Variants in ALMS1 observed in about 807,000 individuals in gnomAD.
The protein encoded by ALMS1 is ALMS1 centrosome and basal body associated protein.
Under a neutral mutation model 352.2 loss-of-function variants are expected in ALMS1, and 271 were observed. The ratio of observed to expected loss-of-function variants is 0.77; its 90% CI spans 0.70 to 0.85. ALMS1 has a LOEUF of 0.85. Among genes scored for constraint, ALMS1 ranks in the 40% least tolerant of loss-of-function variants. The pLI is 0.00. For synonymous variants in ALMS1, 1,865 were observed against 1,761.2 expected (o/e 1.06, Z -1.48); for missense variants, 5,445 against 4,870.7 (o/e 1.12, Z -3.51).
chr2:73,445,424 T>C (rs937119177), intron 7 of ALMS1, among the ~76,000 whole-genome samples: 2 of 152,114 alleles, frequency 1.3e-5, no homozygotes, highest in Non-Finnish European at 2.9e-5. Flanking sequence ...AGTGACTGAA[T>C]TAGAGGGCTC....
chr2:73,495,121 C>A (rs1331106714), intron 10 of ALMS1, among the ~76,000 whole-genome samples: 1 of 152,130 alleles, frequency 6.6e-6, no homozygotes, highest in Non-Finnish European at 1.5e-5. Flanking sequence ...TGTTTTGTTG[C>A]TCAAGTTCTC....
rs1313524775 is a variant in ALMS1, at chr2:73,449,738, G to A, written c.3211G>A (p.Glu1071Lys). ...PQVLSDSHLP[E>K]ESLKVSAFPG... Reference sequence around the variant, plus strand: ...GGTGTTATCAGACAGTCATCTACCTGAAGAGAGTCTGAAAGTTTCAGCCTT... The same window carrying A: ...GGTGTTATCAGACAGTCATCTACCTAAAGAGAGTCTGAAAGTTTCAGCCTT... Residue 1071 changes from glutamate to lysine, a missense_variant, in exon 8 of 23, where the codon GAA becomes AAA. Physicochemically the swap from Glu to Lys is moderately conservative, Grantham distance 56. Transcript: ENST00000613296. 1 of 1,614,136 alleles carries A rather than the reference G, an allele frequency of 6.2e-7. No individual in the cohort carries two copies.
chr2:73,398,492 G>A (rs1034826336), intron 1 of ALMS1, among the ~76,000 whole-genome samples: 13 of 152,150 alleles, frequency 8.5e-5, no homozygotes, highest in Admixed American at 8.5e-4. Context: ...AAATTGCTGG[G>A]ATTTTGATTG....
rs779259646 is a variant in ALMS1 at position 73,609,571 on chromosome 2, G to T, written c.12466G>T (p.Val4156Leu). ...CTGCCTTTCTTTTCTTCTACAGAGA[G>T]TGACCAATCAACTTCTGGGGAGAAA... ...RLRAQLYKKR[V>L]TNQLLGRKVP... The change falls in exon 23 of 23, where the codon GTG (valine) becomes TTG (leucine). Residue 4156 changes from valine to leucine, a missense_variant. Coordinates refer to ENST00000613296, the MANE Select transcript of ALMS1 (RefSeq NM_001378454.1). 1.2e-6 allele frequency: 2 copies of T among 1,614,036 alleles called. No individual in the cohort carries two copies. The highest frequency in any genetic ancestry group is 3.3e-5 in the Admixed American group (2 of 60,010).
At chr2:73,532,762 C>T (rs575533218) in intron 11 of ALMS1, among the ~76,000 whole-genome samples, 5 of 152,246 alleles carry the variant, frequency 3.3e-5, no homozygotes, top group African/African-American at 1.2e-4. Context: ...AAACAAAGTC[C>T]TATTTAATCT....
intron 11 of ALMS1, among the ~76,000 whole-genome samples, chr2:73,527,834 G>C (rs1315938798): frequency 1.3e-5 from 2 of 151,086 alleles, no homozygotes. Context: ...AGCATACGTT[G>C]TTAGGTTGTT....
intron 2 of ALMS1, among the ~76,000 whole-genome samples, chr2:73,414,473 G>GTTTTTTTTTTTTTTTTTTTTTTTTTTCTT (rs61660489): frequency 1.5e-5 from 1 of 66,416 alleles, no homozygotes; most frequent in African/African-American, 4.3e-5. Flanking sequence ...CTTTTTTTCC[G>GTTTTTTTTTTTTTTTTTTTTTTTTTTCTT]TTTTTTTTTT....
chr2:73,572,991 G>C lies in ALMS1; in HGVS notation c.11114G>C (p.Arg3705Thr). The C allele has an allele frequency of 6.2e-7, 1 of 1,614,040 alleles. No individual in the cohort carries two copies. The highest frequency in any genetic ancestry group is 8.5e-7 in the Non-Finnish European group (1 of 1,180,006). Residue 3705 changes from arginine to threonine, a missense_variant, in exon 16 of 23, where the codon AGG (arginine) becomes ACG (threonine). Transcript: ENST00000613296. Reference protein sequence around the residue: ...SKVLSHHRAGRSNQIKIEQIK... With the variant: ...SKVLSHHRAGTSNQIKIEQIK... ...GTGCTTTCTCATCATCGAGCTGGGA[G>C]GTCTAATCAAATTAAAATTGAACAG...
At chr2:73,559,223 G>T (rs930660420) in intron 15 of ALMS1, 81 bp downstream of exon 15, 2 of 1,523,836 alleles carry the variant, frequency 1.3e-6, no homozygotes, top group African/African-American at 2.8e-5. Context: ...ATTTCATTCT[G>T]ATGAGAATAT....
intron 10 of ALMS1, among the ~76,000 whole-genome samples, chr2:73,509,048 GTTTT>G (rs755117726): frequency 6.6e-6 from 1 of 150,640 alleles, no homozygotes; most frequent in Non-Finnish European, 1.5e-5. Context: ...TTCAACCCCT[GTTTT>G]TTTTTGTTGT....
At position 73,450,115 on chromosome 2, in the gene ALMS1, G is replaced by A. The variant is rs1229865896; in HGVS notation, c.3588G>A (p.Glu1196=). The A allele has an allele frequency of 6.2e-7, 1 of 1,614,034 alleles. No homozygotes were observed. Among genetic ancestry groups the A allele is most frequent in the Non-Finnish European group, 8.5e-7 (1 of 1,179,980 alleles). The change falls in exon 8 of 23, where the codon GAG becomes GAA. Residue 1196 remains glutamate, a synonymous_variant. Coordinates refer to ENST00000613296, the MANE Select transcript of ALMS1 (RefSeq NM_001378454.1). The part of the protein sequence containing the change: ...RVLSTFYSQR[E]KPGIFYQQTL... ...TTTCTACCTTCTACTCACAAAGAGA[G>A]AAACCTGGTATTTTCTATCAACAGA...
chr2:73,565,659 G>A (rs10445898), intron 15 of ALMS1, among the ~76,000 whole-genome samples: 151,596 of 152,344 alleles, frequency 1, 75,437 homozygotes, highest in Middle Eastern at 1. Flanking sequence ...TGGCTCAGCC[G>A]GGTCATCAAG....
At chr2:73,508,038 A>G (rs191580203) in intron 10 of ALMS1, among the ~76,000 whole-genome samples, 193 of 152,170 alleles carry the variant, frequency 1.3e-3, no homozygotes, top group Non-Finnish European at 2.1e-3. Flanking sequence ...TTATTTAGCC[A>G]GTAGTCATTC....
At chr2:73,484,923 C>G (rs201010275) in intron 9 of ALMS1, among the ~76,000 whole-genome samples, 1 of 152,214 alleles carries the variant, frequency 6.6e-6, no homozygotes, top group Non-Finnish European at 1.5e-5. Context: ...TTTTCAGCTC[C>G]ATCAGCTCCT....
At chr2:73,603,755 T>A in intron 21 of ALMS1, 1 of 202,236 alleles carries the variant, frequency 4.9e-6, no homozygotes, top group Non-Finnish European at 1.0e-5. Context: ...AGCTACTCAG[T>A]AGGCTGAGCC....
intron 10 of ALMS1, among the ~76,000 whole-genome samples, chr2:73,515,821 A>C (rs1242044820): frequency 2.6e-5 from 4 of 151,224 alleles, no homozygotes; most frequent in African/African-American, 9.7e-5. Flanking sequence ...AGAGACTATT[A>C]TGAACACCTA....
At chr2:73,390,293 CTA>C (rs1464566937) in intron 1 of ALMS1, among the ~76,000 whole-genome samples, 5 of 152,188 alleles carry the variant, frequency 3.3e-5, no homozygotes, top group African/African-American at 1.2e-4. Flanking sequence ...AATTTATGAA[CTA>C]TGAAATTCTT....
intron 12 of ALMS1, among the ~76,000 whole-genome samples, chr2:73,542,717 A>G (rs866919084): frequency 6.6e-6 from 1 of 152,322 alleles, no homozygotes; most frequent in Middle Eastern, 3.4e-3. Context: ...CTATACACCA[A>G]TAGCAGACAA....
At chr2:73,464,038 C>G (rs1373970278) in intron 9 of ALMS1, among the ~76,000 whole-genome samples, 1 of 152,208 alleles carries the variant, frequency 6.6e-6, no homozygotes, top group Non-Finnish European at 1.5e-5. Flanking sequence ...TGGTACCATT[C>G]CTTCTGAAAC....
Sources: gnomAD v4.1 joint callset for allele counts (sites outside exome capture counted in the v4.1 genomes callset) on GRCh38, gnomAD v4.1.1 for gene constraint, MANE v1.5 for transcripts, NCBI Gene and HGNC (gene_info 2026-07-23, HGNC 2026-07-21) for gene names.